ERBB4: variants seen among roughly 807,000 people sequenced by gnomAD.
ERBB4 encodes erb-b2 receptor tyrosine kinase 4, also known as receptor tyrosine-protein kinase erbB-4.
A neutral mutation model predicts 158.0 loss-of-function variants in ERBB4; 42 were observed. The observed-to-expected ratio is 0.27, with a 90% confidence interval of 0.21 to 0.34. ERBB4 has a LOEUF of 0.34. Among genes scored for constraint, ERBB4 ranks in the 10% least tolerant of loss-of-function variants. The pLI, the probability that ERBB4 is intolerant of heterozygous loss-of-function variation, is 1.00. For synonymous variants in ERBB4, 583 were observed against 558.7 expected, an observed-to-expected ratio of 1.04 and a Z score of -0.61; for missense variants, 1,333 against 1,624.1, an observed-to-expected ratio of 0.82 and a Z score of 3.08.
In ERBB4 at chr2:212,025,280, T is replaced by C. The variant is rs73988944; in HGVS notation, c.235-77664A>G. 3.4e-3 allele frequency among the ~76,000 whole-genome samples: 513 copies of C among 151,976 alleles called. 2 individuals are homozygous for C. Among genetic ancestry groups the C allele is most frequent in the Middle Eastern group, 0.024 (7 of 294 alleles). On this transcript the variant is annotated intron_variant, in intron 2 of 27. Transcript: ENST00000342788. ...ATGAGAAGGCACTTGAAAGGTGTTA[T>C]GATAGTCACCCTATTTGCAGCCCAC... is the stretch of plus-strand genomic sequence containing the variant.
At chr2:212,366,191 T>C (rs922631254) in intron 1 of ERBB4, among the ~76,000 whole-genome samples, 3 of 151,890 alleles carry the variant, frequency 2.0e-5, no homozygotes, top group Admixed American at 6.6e-5. Flanking sequence ...TTGAAACAAG[T>C]ATTAGAGTAT....
At chr2:211,885,650 C>A (rs1041872648) in intron 3 of ERBB4, among the ~76,000 whole-genome samples, 1 of 151,866 alleles carries the variant, frequency 6.6e-6, no homozygotes, top group African/African-American at 2.4e-5. Context: ...AGTAGAGACG[C>A]GGTTTCACCA....
chr2:212,448,669 GA>G (rs2092400350), intron 1 of ERBB4, among the ~76,000 whole-genome samples: 2 of 152,052 alleles, frequency 1.3e-5, no homozygotes, highest in African/African-American at 4.8e-5. Context: ...CATCCTAGGA[GA>G]AACCAGGGAA....
At chr2:212,438,020 T>C (rs576871967) in intron 1 of ERBB4, among the ~76,000 whole-genome samples, 1 of 152,242 alleles carries the variant, frequency 6.6e-6, no homozygotes, top group African/African-American at 2.4e-5. Context: ...TGTTATCTCA[T>C]GTGTATCTGT....
rs552410757 is a variant in ERBB4, at chr2:212,070,266, T to A, written c.234+54486A>T. On this transcript the variant is annotated intron_variant, in intron 2 of 27. Coordinates refer to ENST00000342788, the MANE Select transcript of ERBB4 (RefSeq NM_005235.3). ...TTAAAGGCATATGTTTTTTAAAGTA[T>A]CAATACTTCTTAAATTGATCTACAC... Among the ~76,000 whole-genome samples the A allele has an allele frequency of 5.5e-5, 8 of 145,106 alleles. No individual in the cohort carries two copies. The South Asian group carries it at 1.8e-3, about 32-fold the overall frequency.
At chr2:212,071,994 G>C (rs73069244) in intron 2 of ERBB4, among the ~76,000 whole-genome samples, 1 of 151,980 alleles carries the variant, frequency 6.6e-6, no homozygotes, top group Non-Finnish European at 1.5e-5. Flanking sequence ...TTGTACAGAA[G>C]AAGAAACTGA....
chr2:212,067,409 A>C (rs2125438124), intron 2 of ERBB4, among the ~76,000 whole-genome samples: 1 of 152,108 alleles, frequency 6.6e-6, no homozygotes, highest in Admixed American at 6.6e-5. Flanking sequence ...TTGTAGACTT[A>C]TTCACTGTTT....
chr2:211,665,677 T>C (rs1447375143), intron 14 of ERBB4, among the ~76,000 whole-genome samples, 200 bp from the exon 15 acceptor site: 3 of 152,160 alleles, frequency 2.0e-5, no homozygotes, highest in Non-Finnish European at 4.4e-5. Context: ...CAAGTTCAGT[T>C]TTGATATCCT....
At chr2:212,402,585 A>G (rs2091238930) in intron 1 of ERBB4, among the ~76,000 whole-genome samples, 1 of 152,086 alleles carries the variant, frequency 6.6e-6, no homozygotes, top group Non-Finnish European at 1.5e-5. Flanking sequence ...GTAAAATGTG[A>G]CTACTGTGTT....
chr2:212,379,377 C>T (rs544717445), intron 1 of ERBB4, among the ~76,000 whole-genome samples: 1 of 151,736 alleles, frequency 6.6e-6, no homozygotes, highest in African/African-American at 2.4e-5. Context: ...AAGTTTAGAA[C>T]AGCTCCTTTA....
chr2:212,401,830 C>T (rs143077899), intron 1 of ERBB4, among the ~76,000 whole-genome samples: 1 of 152,034 alleles, frequency 6.6e-6, no homozygotes, highest in East Asian at 1.9e-4. Context: ...ACTCGGGATG[C>T]CATTACATAC....
At chr2:212,393,978 G>C (rs558693817) in intron 1 of ERBB4, among the ~76,000 whole-genome samples, 1 of 152,032 alleles carries the variant, frequency 6.6e-6, no homozygotes, top group African/African-American at 2.4e-5. Context: ...GCTAAATATG[G>C]CAAAATTTCT....
chr2:212,103,358 T>TTATTAAAATTA (rs1418245348), intron 2 of ERBB4, among the ~76,000 whole-genome samples: 2 of 152,090 alleles, frequency 1.3e-5, no homozygotes, highest in African/African-American at 4.8e-5. Context: ...AATTATCTAG[T>TTATTAAAATTA]ACCTACAGTT....
chr2:212,024,091 C>T (rs867515335), intron 2 of ERBB4, among the ~76,000 whole-genome samples: 59 of 151,822 alleles, frequency 3.9e-4, no homozygotes, highest in African/African-American at 1.4e-3. Flanking sequence ...TTCTCTCAGG[C>T]AGACACAATC....
chr2:212,121,079 A>G (rs2079733028), intron 2 of ERBB4, among the ~76,000 whole-genome samples: 1 of 152,216 alleles, frequency 6.6e-6, no homozygotes, highest in Admixed American at 6.5e-5. Flanking sequence ...CAAAGGTATA[A>G]TTTGAAATAA....
At chr2:212,357,809 T>C (rs2089521533) in intron 1 of ERBB4, among the ~76,000 whole-genome samples, 1 of 151,860 alleles carries the variant, frequency 6.6e-6, no homozygotes, top group African/African-American at 2.4e-5. Context: ...AAGAATATAG[T>C]AGGTAAACAC....
At chr2:212,307,960 G>A (rs1023618761) in intron 1 of ERBB4, among the ~76,000 whole-genome samples, 39 of 150,478 alleles carry the variant, frequency 2.6e-4, no homozygotes, top group African/African-American at 9.0e-4. Flanking sequence ...TGAAGTCCCC[G>A]ATCCATGCAT....
intron 3 of ERBB4, among the ~76,000 whole-genome samples, chr2:211,846,629 CT>C (rs2077595781): frequency 6.6e-6 from 1 of 152,120 alleles, no homozygotes; most frequent in Admixed American, 6.6e-5. Context: ...TAAAGTTACA[CT>C]TTCAAACAGT....
chr2:211,760,230 C>T (rs1214946820), intron 4 of ERBB4, among the ~76,000 whole-genome samples: 1 of 152,180 alleles, frequency 6.6e-6, no homozygotes, highest in East Asian at 1.9e-4. Flanking sequence ...TTGTAGATGA[C>T]TGGCACATGT....
Sources: allele counts gnomAD v4.1 joint callset (sites outside exome capture counted in the v4.1 genomes callset), GRCh38; gene constraint gnomAD v4.1.1; transcripts MANE v1.5; gene names NCBI Gene and HGNC (gene_info 2026-07-23, HGNC 2026-07-21).